The following GALNT18 variants were observed in gnomAD, a reference collection of about 807,000 sequenced individuals.
GALNT18 encodes the protein GalNAc-transferase 18.
A neutral mutation model predicts 69.5 loss-of-function variants in GALNT18; 44 were observed. The observed-to-expected ratio is 0.63, with a 90% CI of 0.50 to 0.81. The LOEUF (loss-of-function observed/expected upper bound fraction) is 0.81. Ranked by LOEUF, GALNT18 falls within the 40% of genes least tolerant of loss-of-function variation. GALNT18 has a pLI of 0.00. For synonymous variants in GALNT18, 364 were observed against 318.2 expected, an observed-to-expected ratio of 1.14 and a Z score of -1.53; for missense variants, 715 against 810.0, an observed-to-expected ratio of 0.88 and a Z score of 1.42.
chr11:11,292,955 C>T, intron 10 of GALNT18, 74 bp downstream of exon 10: 1 of 1,291,040 alleles, frequency 7.7e-7, no homozygotes, highest in African/African-American at 1.5e-5. Context: ...CCTCCACCAC[C>T]TCCCTGGCCC....
chr11:11,463,207 CAG>C lies in GALNT18; in HGVS notation c.236-14273_236-14272del, dbSNP rs904940184. Among the ~76,000 whole-genome samples, 100 of 87,262 alleles carry C rather than the reference CAG, an allele frequency of 1.1e-3. No individual in the cohort carries two copies. Among genetic ancestry groups the C allele is most frequent in the African/African-American group, 3.7e-3 (87 of 23,752 alleles). The allele number at this position is 87,262 out of a possible 152,430, so 57.2% of individuals were successfully genotyped here. On this transcript the variant is annotated intron_variant, in intron 1 of 10. Transcript: ENST00000227756. This position sits in a 1 kb window ranked among gnomAD's most constrained non-coding sequence, Gnocchi z 4.2. ...GGACATACACACTCAGACAGACAGA[CAG>C]ACACACACACACACACAGAGAGAGA...
chr11:11,346,332 A>G (rs1030211969), intron 6 of GALNT18, among the ~76,000 whole-genome samples: 2 of 152,194 alleles, frequency 1.3e-5, no homozygotes, highest in Non-Finnish European at 2.9e-5. Flanking sequence ...GAATCTAGGA[A>G]TCTGAGAGTC....
chr11:11,457,879 C>G (rs7480118), intron 1 of GALNT18, among the ~76,000 whole-genome samples: 55,949 of 152,168 alleles, frequency 0.37, 11,082 homozygotes, highest in South Asian at 0.51. Flanking sequence ...TGCTATTTCT[C>G]TTTCTGCCCT....
chr11:11,271,652 C>G (rs988614837), intron 10 of GALNT18, among the ~76,000 whole-genome samples: 18 of 105,850 alleles, frequency 1.7e-4, no homozygotes, highest in Non-Finnish European at 3.8e-4. Flanking sequence ...GACGACCCAT[C>G]ATTGGCCTGC....
chr11:11,297,178 A>G (rs1849416645), intron 9 of GALNT18, among the ~76,000 whole-genome samples: 1 of 152,150 alleles, frequency 6.6e-6, no homozygotes, highest in South Asian at 2.1e-4. Flanking sequence ...TGCACAGGAC[A>G]GCCCCCCACA....
rs563642640 is a variant in GALNT18 at position 11,378,457 on chromosome 11, C to T, written c.779+624G>A. Among the ~76,000 whole-genome samples, 4 of 152,312 alleles carry T rather than the reference C, an allele frequency of 2.6e-5. No individual in the cohort carries two copies. The South Asian group carries it at 8.3e-4, about 32-fold the overall frequency. ...CCAGCCCTGCAGGGAGGTCTGCATC[C>T]GCCACTCTATTCCTGGCTGGCTGCA... On this transcript the variant is annotated intron_variant, in intron 4 of 10. Coordinates refer to ENST00000227756, the MANE Select transcript of GALNT18 (RefSeq NM_198516.3).
rs767321360 is a variant in GALNT18, at chr11:11,413,276, C to A, written c.595+19345G>T. 6.6e-6 allele frequency among the ~76,000 whole-genome samples: 1 copy of A among 152,146 alleles called. No homozygotes were observed. The highest frequency in any genetic ancestry group is 6.5e-5 in the Admixed American group (1 of 15,282). The stretch of plus-strand genomic sequence containing the variant: ...GGCTGCTGTGCATGCCTGAGGACCC[C>A]GGTGGGAAGCTCTTCTGCACTGAGT... On this transcript the variant is annotated intron_variant, in intron 3 of 10. Transcript: ENST00000227756. The surrounding 1 kb of genome is among the most constrained non-coding windows in gnomAD (Gnocchi z 4.7).
intron 7 of GALNT18, among the ~76,000 whole-genome samples, chr11:11,334,082 T>G (rs908576944): frequency 6.6e-6 from 1 of 152,160 alleles, no homozygotes; most frequent in Non-Finnish European, 1.5e-5. Context: ...GTGGTCCATA[T>G]GCTCTCTTTG....
intron 1 of GALNT18, among the ~76,000 whole-genome samples, chr11:11,512,460 A>T (rs560998983): frequency 6.6e-6 from 1 of 152,352 alleles, no homozygotes; most frequent in South Asian, 2.1e-4. Flanking sequence ...TCCTGTGGAA[A>T]TTCTTTATTC....
At chr11:11,508,190 A>G (rs1177165781) in intron 1 of GALNT18, among the ~76,000 whole-genome samples, 2 of 152,132 alleles carry the variant, frequency 1.3e-5, no homozygotes, top group African/African-American at 2.4e-5. Context: ...TGCTTGTTAT[A>G]TATCTTTTTG....
intron 1 of GALNT18, among the ~76,000 whole-genome samples, chr11:11,520,029 G>A (rs1318710982): frequency 6.6e-6 from 1 of 152,212 alleles, no homozygotes; most frequent in Non-Finnish European, 1.5e-5. Context: ...GGCAGCCAGG[G>A]TGCAAACAGC....
chr11:11,431,519 C>T (rs946271217), intron 3 of GALNT18, among the ~76,000 whole-genome samples: 1 of 152,132 alleles, frequency 6.6e-6, no homozygotes, highest in African/African-American at 2.4e-5. Context: ...GTCCACGGAA[C>T]AATGAAAGTC....
At position 11,600,045 on chromosome 11, in the gene GALNT18, C is replaced by A. The variant is rs930841294; in HGVS notation, c.235+21314G>T. Among the ~76,000 whole-genome samples the A allele has an allele frequency of 2.6e-5, 4 of 152,068 alleles. No individual in the cohort carries two copies. The South Asian group carries it at 8.3e-4, about 32-fold the overall frequency. ...ATAGAAAATTTAGTCCTATATAATT[C>A]TATTCCCTCCTCCATATTTTTGTGC... On this transcript the variant is annotated intron_variant, in intron 1 of 10. Coordinates refer to ENST00000227756, the MANE Select transcript of GALNT18 (RefSeq NM_198516.3). The surrounding 1 kb of genome is among the most constrained non-coding windows in gnomAD (Gnocchi z 4.8).
intron 10 of GALNT18, among the ~76,000 whole-genome samples, chr11:11,283,200 G>C (rs918993260): frequency 3.9e-5 from 6 of 152,134 alleles, no homozygotes; most frequent in African/African-American, 1.4e-4. Context: ...TGTCACACAG[G>C]CTGGAGTGCA....
intron 1 of GALNT18, among the ~76,000 whole-genome samples, chr11:11,484,813 G>C (rs1290865984): frequency 6.6e-6 from 1 of 152,220 alleles, no homozygotes; most frequent in African/African-American, 2.4e-5. Flanking sequence ...AGGAGAAACT[G>C]AACAGCTCTT....
At chr11:11,313,648 C>G (rs1483360761) in intron 9 of GALNT18, among the ~76,000 whole-genome samples, 3 of 152,188 alleles carry the variant, frequency 2.0e-5, no homozygotes, top group Non-Finnish European at 4.4e-5. Context: ...GGAGACAGTG[C>G]TGAGTCATGG....
chr11:11,352,456 G>A, intron 6 of GALNT18: 1 of 1,614,150 alleles, frequency 6.2e-7, no homozygotes, highest in South Asian at 1.1e-5. Context: ...ATACTTGCCA[G>A]CATACAACCC....
At chr11:11,508,699 C>G (rs1395156333) in intron 1 of GALNT18, among the ~76,000 whole-genome samples, 2 of 152,200 alleles carry the variant, frequency 1.3e-5, no homozygotes, top group Non-Finnish European at 2.9e-5. Context: ...CCATTTGGCA[C>G]TGGTTAATGA....
chr11:11,401,798 G>A (rs549991337), intron 3 of GALNT18, among the ~76,000 whole-genome samples: 12 of 152,342 alleles, frequency 7.9e-5, no homozygotes, highest in Middle Eastern at 3.4e-3. Context: ...ACAGTCCCTT[G>A]TCTCAAAGAG....
Sources: gnomAD v4.1 joint callset for allele counts (sites outside exome capture counted in the v4.1 genomes callset) on GRCh38, gnomAD v4.1.1 for gene constraint, Gnocchi (gnomAD v3.1) non-coding constraint, MANE v1.5 for transcripts, NCBI Gene and HGNC (gene_info 2026-07-23, HGNC 2026-07-21) for gene names.